EYA3: variants seen among roughly 807,000 people sequenced by gnomAD.
EYA3 encodes protein phosphatase EYA3.
Under a neutral mutation model 80.0 loss-of-function variants are expected in EYA3, and 39 were observed. The observed-to-expected ratio is 0.49, with a 90% CI of 0.38 to 0.64. The LOEUF (loss-of-function observed/expected upper bound fraction) is 0.64, where lower values mean the gene tolerates loss of function less well. EYA3 is among the 30% of genes least tolerant of loss of function. EYA3 has a pLI of 0.00. For synonymous variants in EYA3, 206 were observed against 232.8 expected (o/e 0.88, Z 1.05); for missense variants, 523 against 676.1 (o/e 0.77, Z 2.51).
chr1:28,068,569 A>G (rs891632363), intron 1 of EYA3, among the ~76,000 whole-genome samples: 4 of 147,962 alleles, frequency 2.7e-5, no homozygotes, highest in African/African-American at 1.0e-4. Flanking sequence ...TTTTTTCTTT[A>G]GAGGAATAAA....
intron 2 of EYA3, among the ~76,000 whole-genome samples, chr1:28,055,138 G>A (rs950265885): frequency 1.3e-5 from 2 of 152,152 alleles, no homozygotes; most frequent in African/African-American, 4.8e-5. Context: ...CGGAAAGCTG[G>A]AAAGACTAAG....
chr1:28,043,844 AAAAC>A (rs565903040), intron 3 of EYA3, among the ~76,000 whole-genome samples: 194 of 152,208 alleles, frequency 1.3e-3, no homozygotes, highest in Non-Finnish European at 1.3e-3. Context: ...TCTCAAAAAC[AAAAC>A]AAACAAACAA....
At chr1:28,086,607 T>C (rs1645664329) in intron 1 of EYA3, among the ~76,000 whole-genome samples, 1 of 152,240 alleles carries the variant, frequency 6.6e-6, no homozygotes, top group Admixed American at 6.5e-5. Context: ...TGATTTCCCA[T>C]CATTTTTGGG....
intron 16 of EYA3, among the ~76,000 whole-genome samples, chr1:27,984,057 C>G (rs1160710688): frequency 1.3e-5 from 2 of 152,022 alleles, no homozygotes; most frequent in African/African-American, 4.8e-5. Flanking sequence ...GAGACAAGGT[C>G]TCCTTCTGTT....
chr1:28,030,728 A>G (rs972566414), intron 6 of EYA3, among the ~76,000 whole-genome samples: 1 of 152,262 alleles, frequency 6.6e-6, no homozygotes, highest in African/African-American at 2.4e-5. Context: ...ATCATAATTC[A>G]TGATCATTTA....
rs1019331303 is a variant in EYA3 at position 27,973,347 on chromosome 1, A to T, written c.*1119T>A. The T allele has an allele frequency of 7.2e-5, 11 of 152,432 alleles. No homozygotes were observed. Among genetic ancestry groups the T allele is most frequent in the African/African-American group, 2.4e-4 (10 of 41,566 alleles). The allele number at this position is 152,432 out of a possible 1,614,324, so 9.4% of individuals were successfully genotyped here. A position where few individuals can be genotyped will look rare whatever the true frequency, so the allele number is the denominator to read the frequency against. Reference sequence around the variant, plus strand: ...CTGCCTGGAGGTGGACATGAGGTGCAGAGGGCAGGAAAGGGGTAAGAACCT... The same window carrying T: ...CTGCCTGGAGGTGGACATGAGGTGCTGAGGGCAGGAAAGGGGTAAGAACCT... On this transcript the variant is annotated 3_prime_UTR_variant, in exon 18 of 18. Transcript: ENST00000373871.
intron 8 of EYA3, among the ~76,000 whole-genome samples, chr1:28,015,145 T>C (rs554342630): frequency 1.8e-4 from 28 of 152,322 alleles, no homozygotes; most frequent in African/African-American, 6.5e-4. Flanking sequence ...ATAAAATATA[T>C]GTCAAATGAC....
At chr1:28,045,459 T>C (rs1006301626) in intron 3 of EYA3, among the ~76,000 whole-genome samples, 11 of 152,212 alleles carry the variant, frequency 7.2e-5, no homozygotes, top group African/African-American at 2.7e-4. Flanking sequence ...TTATACCCAC[T>C]GTTGAAGACT....
chr1:28,073,128 T>TATATATATATA (rs58073802), intron 1 of EYA3, among the ~76,000 whole-genome samples: 7 of 29,226 alleles, frequency 2.4e-4, no homozygotes, highest in East Asian at 1.2e-3. Flanking sequence ...TATATATATA[T>TATATATATATA]TTTTTTTTTT....
At chr1:28,052,889 C>T (rs560657410) in intron 2 of EYA3, among the ~76,000 whole-genome samples, 1 of 151,970 alleles carries the variant, frequency 6.6e-6, no homozygotes, top group African/African-American at 2.4e-5. Context: ...TGCAGTGAGC[C>T]GAGATAGTGA....
At chr1:28,038,799 GA>G in intron 5 of EYA3, 39 bp downstream of exon 5, 2 of 1,229,154 alleles carry the variant, frequency 1.6e-6, no homozygotes, top group South Asian at 1.5e-5. Context: ...TGAATCTACA[GA>G]AAAAGCATAT....
At chr1:28,068,269 T>C (rs148812405) in intron 1 of EYA3, among the ~76,000 whole-genome samples, 6 of 151,674 alleles carry the variant, frequency 4.0e-5, no homozygotes, top group African/African-American at 1.5e-4. Context: ...GAGGTGGAGA[T>C]TGCAGTGAGC....
rs754932583 is a variant in EYA3, at chr1:27,973,794, A to G, written c.*672T>C. ...ACAGGGAGGTATTTTAGATATTTCA[A>G]TTACTATTTTCAAGACTTTAAACAC... On this transcript the variant is annotated 3_prime_UTR_variant, in exon 18 of 18. Coordinates refer to ENST00000373871, the MANE Select transcript of EYA3 (RefSeq NM_001990.4). 3.9e-5 allele frequency: 6 copies of G among 152,230 alleles called. No homozygotes were observed. The highest frequency in any genetic ancestry group is 7.3e-5 in the Non-Finnish European group (5 of 68,048). 9.4% of individuals were successfully genotyped at this position (152,230 alleles called of 1,614,324 possible).
At chr1:28,087,113 C>T (rs760119662) in intron 1 of EYA3, among the ~76,000 whole-genome samples, 17 of 152,038 alleles carry the variant, frequency 1.1e-4, no homozygotes, top group Admixed American at 9.8e-4. Flanking sequence ...ACTGATGACA[C>T]AAAAACCGCT....
chr1:28,039,413 C>A (rs1643647199), intron 4 of EYA3, among the ~76,000 whole-genome samples: 2 of 152,158 alleles, frequency 1.3e-5, no homozygotes, highest in Non-Finnish European at 2.9e-5. Context: ...AGAATAGATG[C>A]AAGTATGCTT....
chr1:28,072,480 A>G (rs143977446), intron 1 of EYA3, among the ~76,000 whole-genome samples: 33 of 152,198 alleles, frequency 2.2e-4, no homozygotes, highest in Non-Finnish European at 3.7e-4. Context: ...GTGGGAATAT[A>G]TATGTATATA....
At chr1:28,085,398 G>A (rs1193887662) in intron 1 of EYA3, among the ~76,000 whole-genome samples, 1 of 152,164 alleles carries the variant, frequency 6.6e-6, no homozygotes, top group Non-Finnish European at 1.5e-5. Flanking sequence ...GCAGTGAGCC[G>A]AGATCGTGCC....
At chr1:28,057,210 T>C (rs1353829870) in intron 2 of EYA3, among the ~76,000 whole-genome samples, 1 of 152,088 alleles carries the variant, frequency 6.6e-6, no homozygotes, top group East Asian at 1.9e-4. Context: ...AGAATACAAC[T>C]AGAACACGAA....
chr1:27,986,547 G>A (rs974056745), intron 16 of EYA3, among the ~76,000 whole-genome samples: 2 of 150,896 alleles, frequency 1.3e-5, no homozygotes, highest in Admixed American at 1.3e-4. Context: ...ACAGGCTCAC[G>A]CCACCATGCC....
Sources: allele counts gnomAD v4.1 joint callset (sites outside exome capture counted in the v4.1 genomes callset), GRCh38; gene constraint gnomAD v4.1.1; transcripts MANE v1.5; gene names NCBI Gene and HGNC (gene_info 2026-07-23, HGNC 2026-07-21).